The following CFAP47 variants were observed in gnomAD, a reference collection of about 807,000 sequenced individuals.
CFAP47 encodes the protein cilia and flagella associated protein 47.
Under a neutral mutation model 148.1 loss-of-function variants are expected in CFAP47, and 29 were observed. The ratio of observed to expected loss-of-function variants is 0.20; its 90% CI spans 0.15 to 0.27. CFAP47 has a LOEUF of 0.27. Ranked by LOEUF, CFAP47 falls within the 10% of genes least tolerant of loss-of-function variation. CFAP47 has a pLI of 1.00. For synonymous variants in CFAP47, 664 were observed against 577.3 expected (o/e 1.15, Z -2.15); for missense variants, 1,872 against 1,697.5 (o/e 1.10, Z -1.81).
At chrX:35,989,223 T>A in intron 15 of CFAP47, 96 bp from the exon 16 acceptor site, 1 of 645,380 alleles carries the variant, frequency 1.5e-6, no homozygotes, top group Non-Finnish European at 2.3e-6. Context: ...TTTAATGCAA[T>A]CACATTTTTA....
In CFAP47 at chrX:36,156,633, T is replaced by A. The variant is rs775902917; in HGVS notation, c.5787-2793T>A. 1.0e-3 allele frequency among the ~76,000 whole-genome samples: 107 copies of A among 104,525 alleles called. 1 individual carries two copies. Among genetic ancestry groups the A allele is most frequent in the African/African-American group, 3.2e-3 (85 of 26,691 alleles). The allele number at this position is 104,525 out of a possible 115,157, so 90.8% of individuals were successfully genotyped here. Reference sequence around the variant, plus strand: ...TATATAATATCAAGGAGGTTTTTTTTAAAAAAAAATCAGGGAAAGGCAATT... The same window carrying A: ...TATATAATATCAAGGAGGTTTTTTTAAAAAAAAAATCAGGGAAAGGCAATT... On this transcript the variant is annotated intron_variant, in intron 37 of 63. Coordinates refer to ENST00000378653, the MANE Select transcript of CFAP47 (RefSeq NM_001304548.2).
At chrX:36,129,131 G>C (rs775022414) in intron 33 of CFAP47, among the ~76,000 whole-genome samples, 3 of 109,780 alleles carry the variant, frequency 2.7e-5, no homozygotes, top group Non-Finnish European at 3.8e-5. Context: ...TTGTTTAATC[G>C]TTATAGGATT....
chrX:36,247,664 A>C (rs919707576), intron 48 of CFAP47, among the ~76,000 whole-genome samples: 14 of 111,136 alleles, frequency 1.3e-4, no homozygotes, highest in Admixed American at 2.9e-4. Flanking sequence ...AAAATAACTC[A>C]AAAATAGAGT....
intron 26 of CFAP47, 50 bp from the exon 27 acceptor site, chrX:36,065,593 A>T: frequency 1.4e-6 from 1 of 710,731 alleles, no homozygotes; most frequent in Non-Finnish European, 2.2e-6. Flanking sequence ...CATGGCATTT[A>T]CTGCATCTGA....
At chrX:36,158,540 G>A (rs889055101) in intron 37 of CFAP47, among the ~76,000 whole-genome samples, 2 of 112,087 alleles carry the variant, frequency 1.8e-5, no homozygotes, top group Non-Finnish European at 1.9e-5. Context: ...CTCTTGCTGA[G>A]GAGCTAAATT....
At chrX:36,240,191 A>G (rs1227059744) in intron 48 of CFAP47, among the ~76,000 whole-genome samples, 3 of 111,788 alleles carry the variant, frequency 2.7e-5, no homozygotes, top group South Asian at 3.7e-4. Flanking sequence ...GTAGTTTTCA[A>G]TAAGAAATTA....
At chrX:36,022,990 G>A (rs1430243828) in intron 22 of CFAP47, among the ~76,000 whole-genome samples, 1 of 112,021 alleles carries the variant, frequency 8.9e-6, no homozygotes, top group African/African-American at 3.2e-5. Flanking sequence ...CATTTGATGA[G>A]GCCATGTTTT....
chrX:36,049,235 G>A (rs915899574), intron 26 of CFAP47, among the ~76,000 whole-genome samples: 1 of 109,543 alleles, frequency 9.1e-6, no homozygotes, highest in Non-Finnish European at 1.9e-5. Flanking sequence ...GGCTCACAGT[G>A]TGACCTAACT....
intron 33 of CFAP47, among the ~76,000 whole-genome samples, chrX:36,107,946 A>C (rs1281000504): frequency 9.0e-6 from 1 of 110,985 alleles, no homozygotes; most frequent in Non-Finnish European, 1.9e-5. Flanking sequence ...TTGACCATTC[A>C]GGGAATAAAC....
intron 51 of CFAP47, among the ~76,000 whole-genome samples, chrX:36,288,758 T>TAA (rs1941160152): frequency 9.0e-6 from 1 of 110,845 alleles, no homozygotes; most frequent in Non-Finnish European, 1.9e-5. Flanking sequence ...TGAGACCAGG[T>TAA]GCGGTGGCTT....
chrX:36,185,030 C>G (rs1023106886), intron 40 of CFAP47, among the ~76,000 whole-genome samples: 6 of 110,894 alleles, frequency 5.4e-5, no homozygotes, highest in Admixed American at 9.6e-5. Context: ...TAGAATTAGG[C>G]AAGGGTCTTA....
At chrX:36,255,513 T>C (rs782804414) in intron 49 of CFAP47, among the ~76,000 whole-genome samples, 1 of 110,955 alleles carries the variant, frequency 9.0e-6, no homozygotes, top group Non-Finnish European at 1.9e-5. Flanking sequence ...GAAAGTGGGC[T>C]ACATGTGGAA....
rs764623574 is a variant in CFAP47, at chrX:35,972,006, A to T, written c.2254+41A>T. The T allele has an allele frequency of 1.8e-5, 15 of 811,399 alleles. No individual in the cohort carries two copies. The South Asian group carries it at 3.0e-4, about 16-fold the overall frequency. The allele number at this position is 811,399 out of a possible 1,213,427, so 66.9% of individuals were successfully genotyped here. A position where few individuals can be genotyped will look rare whatever the true frequency, so the allele number is the denominator to read the frequency against. On this transcript the variant is annotated intron_variant, in intron 13 of 63. Coordinates refer to ENST00000378653, the MANE Select transcript of CFAP47 (RefSeq NM_001304548.2). ...AACCTACTACAGCCTTTATTTTTTT[A>T]TAAAAAAAAGATTTCTTAAAGTGTA...
intron 29 of CFAP47, among the ~76,000 whole-genome samples, chrX:36,084,752 A>G (rs1938049354): frequency 8.9e-6 from 1 of 112,199 alleles, no homozygotes; most frequent in Non-Finnish European, 1.9e-5. Context: ...GAACAGAGGA[A>G]TATATGTTAT....
chrX:36,022,109 A>G (rs1041529797), intron 22 of CFAP47: 5 of 111,105 alleles, frequency 4.5e-5, no homozygotes, highest in African/African-American at 1.6e-4. Context: ...ACTGCCAATT[A>G]ACACCATTTG....
chrX:36,325,423 A>G (rs1362284362), intron 57 of CFAP47, among the ~76,000 whole-genome samples: 2 of 111,919 alleles, frequency 1.8e-5, no homozygotes, highest in Admixed American at 9.5e-5. Flanking sequence ...GTACTTCTAT[A>G]AAACACCAAT....
Position 36,071,916 on chromosome X carries a change from A to G in CFAP47, c.4410A>G (p.Thr1470=), listed in dbSNP as rs1937762125. 3.3e-6 allele frequency: 4 copies of G among 1,208,820 alleles called. No homozygotes were observed. The highest frequency in any genetic ancestry group is 4.4e-5 in the Admixed American group (2 of 45,823). The change falls in exon 28 of 64, where the codon ACA becomes ACG. Residue 1470 remains threonine, a synonymous_variant. Transcript: ENST00000378653. ...KPPSPASIKK[T]YTTSKFNDAE... is the part of the protein sequence containing the mutation. ...CCTCTCCTGCTTCAATTAAAAAGAC[A>G]TACACCACTAGCAAATTCAATGATG...
chrX:36,102,582 C>T (rs761483657), intron 32 of CFAP47, among the ~76,000 whole-genome samples: 2 of 110,879 alleles, frequency 1.8e-5, no homozygotes, highest in Non-Finnish European at 3.8e-5. Context: ...CATATGGGTC[C>T]ATCATTAAAT....
chrX:36,141,685 A>C (rs1939143774), intron 35 of CFAP47, among the ~76,000 whole-genome samples: 1 of 112,361 alleles, frequency 8.9e-6, no homozygotes, highest in South Asian at 3.6e-4. Context: ...AAAATAAGGA[A>C]ATTTAATATT....
Sources: gnomAD v4.1 joint callset for allele counts (sites outside exome capture counted in the v4.1 genomes callset) on GRCh38, gnomAD v4.1.1 for gene constraint, MANE v1.5 for transcripts, NCBI Gene and HGNC (gene_info 2026-07-23, HGNC 2026-07-21) for gene names.